MYO6: variants seen among roughly 807,000 people sequenced by gnomAD.
MYO6 encodes myosin VI, also known as unconventional myosin-VI.
MYO6 carries 74 observed loss-of-function variants against 178.7 expected under a neutral mutation model. The ratio of observed to expected loss-of-function variants is 0.41; its 90% CI spans 0.34 to 0.50. The LOEUF (loss-of-function observed/expected upper bound fraction) is 0.50. MYO6 is among the 20% of genes least tolerant of loss of function. MYO6 has a pLI of 0.09. For missense variants in MYO6, 1,330 were observed against 1,547.4 expected (o/e 0.86, Z 2.36); for synonymous variants, 477 against 504.6 (o/e 0.95, Z 0.73).
At chr6:75,833,013 G>T in intron 6 of MYO6, 66 bp downstream of exon 6, 1 of 1,071,424 alleles carries the variant, frequency 9.3e-7, no homozygotes, top group Admixed American at 1.7e-5. Context: ...TTGAGATAGG[G>T]TCTTACTGTG....
At chr6:75,902,316 G>T (rs1395275991) in intron 30 of MYO6, among the ~76,000 whole-genome samples, 1 of 152,100 alleles carries the variant, frequency 6.6e-6, no homozygotes, top group East Asian at 1.9e-4. Flanking sequence ...GTTCCTCCTT[G>T]TACCTCTGGT....
chr6:75,844,944 C>CA lies in MYO6; in HGVS notation c.867dup (p.Gln290ThrfsTer10). The CA allele has an allele frequency of 1.2e-6, 2 of 1,613,254 alleles. No individual in the cohort carries two copies. Among genetic ancestry groups the CA allele is most frequent in the Non-Finnish European group, 1.7e-6 (2 of 1,179,560 alleles). On this transcript the variant is annotated frameshift_variant, in exon 10 of 35. Transcript: ENST00000369977. LOFTEE classifies it high-confidence loss of function. Reference sequence around the variant, plus strand: ...GATACTTTGCTAACAAAGAAACTGACAAACAGATTTTACAGAACCGCAAAA... The same window carrying CA: ...GATACTTTGCTAACAAAGAAACTGACAAAACAGATTTTACAGAACCGCAAAA...
intron 9 of MYO6, among the ~76,000 whole-genome samples, chr6:75,842,091 T>A (rs1583246987): frequency 6.6e-6 from 1 of 152,184 alleles, no homozygotes; most frequent in African/African-American, 2.4e-5. Flanking sequence ...CAAATATTTA[T>A]TGCTTGCCCA....
chr6:75,759,576 AT>A (rs879316456), intron 1 of MYO6, among the ~76,000 whole-genome samples: 399 of 143,880 alleles, frequency 2.8e-3, no homozygotes, highest in East Asian at 3.6e-3. Context: ...AGCCCAGGTG[AT>A]TTTTTTTTTT....
chr6:75,779,328 C>T (rs1284981409), intron 1 of MYO6, among the ~76,000 whole-genome samples: 1 of 151,924 alleles, frequency 6.6e-6, no homozygotes, highest in Non-Finnish European at 1.5e-5. Flanking sequence ...ATGGTGAAAC[C>T]CAGTCTCCAT....
At chr6:75,910,885 G>T (rs146121657) in intron 32 of MYO6, among the ~76,000 whole-genome samples, 29 of 152,092 alleles carry the variant, frequency 1.9e-4, no homozygotes, top group African/African-American at 6.5e-4. Flanking sequence ...TATTTAGAAG[G>T]AACAATTCAT....
rs1562323500 is a variant in MYO6, at chr6:75,915,177, T to C, written c.*165T>C. The C allele has an allele frequency of 8.2e-6, 6 of 729,584 alleles. No individual in the cohort carries two copies. The highest frequency in any genetic ancestry group is 1.3e-5 in the Non-Finnish European group (6 of 445,720). 45.2% of individuals were successfully genotyped at this position (729,584 alleles called of 1,614,324 possible). On this transcript the variant is annotated 3_prime_UTR_variant, in exon 35 of 35. Coordinates refer to ENST00000369977, the MANE Select transcript of MYO6 (RefSeq NM_004999.4). ...TGAATTTGTTTAAGGTTAATTATGG[T>C]AGCAAATTTTGGACCTAAACATTAT... is the stretch of plus-strand genomic sequence containing the variant.
chr6:75,799,298 G>A (rs1229624500), intron 1 of MYO6, among the ~76,000 whole-genome samples: 4 of 151,982 alleles, frequency 2.6e-5, no homozygotes, highest in African/African-American at 7.2e-5. Flanking sequence ...GCTGAGGCAG[G>A]AGAATTGCTT....
At chr6:75,838,178 G>A (rs920114060) in intron 7 of MYO6, among the ~76,000 whole-genome samples, 1 of 151,548 alleles carries the variant, frequency 6.6e-6, no homozygotes, top group South Asian at 2.1e-4. Context: ...TCATCCTACC[G>A]AGTAGCTGGG....
At chr6:75,787,455 G>A (rs1368816928) in intron 1 of MYO6, among the ~76,000 whole-genome samples, 1 of 151,826 alleles carries the variant, frequency 6.6e-6, no homozygotes, top group Non-Finnish European at 1.5e-5. Flanking sequence ...AATCTCACAA[G>A]CATTATGCTA....
intron 23 of MYO6, among the ~76,000 whole-genome samples, chr6:75,882,168 G>A (rs927121592): frequency 6.6e-6 from 1 of 151,976 alleles, no homozygotes; most frequent in Admixed American, 6.6e-5. Context: ...CACATACCCC[G>A]AAAATTCTAA....
At chr6:75,777,475 T>C (rs1766506474) in intron 1 of MYO6, among the ~76,000 whole-genome samples, 2 of 151,990 alleles carry the variant, frequency 1.3e-5, no homozygotes, top group Non-Finnish European at 2.9e-5. Flanking sequence ...TCACCTGGGC[T>C]ACAGTGCAGT....
At chr6:75,863,396 A>T (rs1363700751) in intron 16 of MYO6, among the ~76,000 whole-genome samples, 4 of 152,128 alleles carry the variant, frequency 2.6e-5, no homozygotes, top group Admixed American at 6.6e-5. Context: ...CAATAGAGAG[A>T]TTAGGTAGAG....
chr6:75,881,747 A>G lies in MYO6; in HGVS notation c.2345A>G (p.Lys782Arg), dbSNP rs1778047115. Residue 782 changes from lysine (K) to arginine (R), a missense_variant, in exon 23 of 35, where the codon AAA becomes AGA. By Grantham distance (26) the Lys-to-Arg change is conservative. This residue lies in a region of MYO6 where 601 missense variants were observed against 626.1 expected (regional missense o/e 0.96). Coordinates refer to ENST00000369977, the MANE Select transcript of MYO6 (RefSeq NM_004999.4). Reference protein sequence around the residue: ...SDPDHLAELVKRVNHWLTCSR... With the variant: ...SDPDHLAELVRRVNHWLTCSR... The stretch of plus-strand genomic sequence containing the variant: ...CCTGACCACTTAGCAGAGTTGGTTA[A>G]AAGAGTCAATCACTGGCTCACATGC... 1 of 1,614,050 alleles carries G rather than the reference A, an allele frequency of 6.2e-7. No homozygotes were observed.
intron 23 of MYO6, among the ~76,000 whole-genome samples, chr6:75,882,559 C>G (rs1778126666): frequency 2.0e-5 from 3 of 151,988 alleles, no homozygotes; most frequent in Non-Finnish European, 4.4e-5. Flanking sequence ...ACACCATAAT[C>G]CCAAATGTTG....
At chr6:75,878,154 T>C (rs1333036948) in intron 20 of MYO6, among the ~76,000 whole-genome samples, 2 of 152,204 alleles carry the variant, frequency 1.3e-5, no homozygotes, top group Non-Finnish European at 2.9e-5. Context: ...CAGAATAATA[T>C]AAGTAACAAG....
chr6:75,830,808 C>T (rs888487322), intron 5 of MYO6, among the ~76,000 whole-genome samples: 2 of 152,142 alleles, frequency 1.3e-5, no homozygotes, highest in Non-Finnish European at 2.9e-5. Context: ...GAGATGTCTG[C>T]CCAGGTGAAA....
chr6:75,845,429 A>T (rs1321733886), intron 10 of MYO6, among the ~76,000 whole-genome samples: 1 of 152,202 alleles, frequency 6.6e-6, no homozygotes, highest in Non-Finnish European at 1.5e-5. Flanking sequence ...GTGGTGGCTC[A>T]CACCTGTAAT....
chr6:75,771,343 T>C (rs763281535), intron 1 of MYO6, among the ~76,000 whole-genome samples: 1 of 152,190 alleles, frequency 6.6e-6, no homozygotes, highest in African/African-American at 2.4e-5. Flanking sequence ...AAGGGTTTTT[T>C]TTAGTGGCCT....
Sources: gnomAD v4.1 joint callset for allele counts (sites outside exome capture counted in the v4.1 genomes callset) on GRCh38, gnomAD v4.1.1 for gene constraint, gnomAD v4.1.1 regional missense constraint, MANE v1.5 for transcripts, NCBI Gene and HGNC (gene_info 2026-07-23, HGNC 2026-07-21) for gene names.